The following SPICE1 variants were observed in gnomAD, a reference collection of about 807,000 sequenced individuals.
The protein encoded by SPICE1 is spindle and centriole associated protein 1.
Under a neutral mutation model 102.7 loss-of-function variants are expected in SPICE1, and 75 were observed. The ratio of observed to expected loss-of-function variants is 0.73; its 90% confidence interval spans 0.61 to 0.88. The LOEUF is 0.88. SPICE1 is among the 40% of genes least tolerant of loss of function. SPICE1 has a pLI of 0.00. For synonymous variants in SPICE1, 308 were observed against 350.3 expected (o/e 0.88, Z 1.35); for missense variants, 979 against 1,020.1 (o/e 0.96, Z 0.55).
chr3:113,512,537 T>C (rs865927672), intron 1 of SPICE1, among the ~76,000 whole-genome samples: 1 of 150,194 alleles, frequency 6.7e-6, no homozygotes, highest in Non-Finnish European at 1.5e-5. Flanking sequence ...GCCTCCTGAA[T>C]AGCTGGGATT....
chr3:113,511,311 A>T (rs1336970039), intron 1 of SPICE1, among the ~76,000 whole-genome samples: 3 of 152,204 alleles, frequency 2.0e-5, no homozygotes, highest in Non-Finnish European at 4.4e-5. Flanking sequence ...ACACACACAT[A>T]TATGTTCACT....
Position 113,494,051 on chromosome 3 carries a change from G to T in SPICE1, c.383C>A (p.Thr128Lys). ...AAKELFPRRRTGFPNVTVAPD... is the reference protein window; with the variant it reads ...AAKELFPRRRKGFPNVTVAPD... The stretch of plus-strand genomic sequence containing the variant: ...AAGCTTTTGTTTGAATTGAATACCT[G>T]TGCGCCTACGAGGAAACAGCTCTTT... The change falls in exon 5 of 18, where the codon ACA becomes AAA. Residue 128 changes from threonine (T) to lysine (K), a missense_variant and splice_region_variant. Thr to Lys is a moderately conservative substitution (Grantham distance 78). Transcript: ENST00000295872. 1.2e-6 allele frequency: 2 copies of T among 1,605,298 alleles called. No individual in the cohort carries two copies.
At chr3:113,513,855 C>T (rs1437313245) in intron 1 of SPICE1, among the ~76,000 whole-genome samples, 1 of 152,164 alleles carries the variant, frequency 6.6e-6, no homozygotes, top group Non-Finnish European at 1.5e-5. Flanking sequence ...AAGCGAGGCA[C>T]CAGATATAAC....
Position 113,453,966 on chromosome 3 carries a change from T to C in SPICE1, c.1658-16A>G. 2 of 1,563,332 alleles carry C rather than the reference T, an allele frequency of 1.3e-6. No homozygotes were observed. The highest frequency in any genetic ancestry group is 1.7e-6 in the Non-Finnish European group (2 of 1,156,446). On this transcript the variant is annotated splice_polypyrimidine_tract_variant and intron_variant, in intron 13 of 17. Coordinates refer to ENST00000295872, the MANE Select transcript of SPICE1 (RefSeq NM_144718.4). ...CTTCTCAATACTATAGATAAGAATT[T>C]AAAAATAACAAATATGTATTATTTT...
At position 113,503,211 on chromosome 3, in the gene SPICE1, AGAT is replaced by A. The variant is rs1167325225; in HGVS notation, c.113_115del (p.Asp38_Leu39delinsVal). ...TTCGGGAGTTGCCCGATGAACGGTT[AGAT>A]CAGTCACGGTATTCTGTAAAAAAAG... On this transcript the variant is annotated inframe_deletion, in exon 3 of 18. Transcript: ENST00000295872. 1 of 1,601,432 alleles carries A rather than the reference AGAT, an allele frequency of 6.2e-7. No individual in the cohort carries two copies. The highest frequency in any genetic ancestry group is 1.7e-5 in the Admixed American group (1 of 57,906).
chr3:113,494,572 G>A (rs1047692107), intron 4 of SPICE1, among the ~76,000 whole-genome samples: 10 of 151,576 alleles, frequency 6.6e-5, no homozygotes, highest in Non-Finnish European at 1.3e-4. Context: ...GCGTGAACCC[G>A]GGAGGCGGAG....
Position 113,460,638 on chromosome 3 carries a change from T to C in SPICE1, c.1414A>G (p.Arg472Gly), listed in dbSNP as rs7614751. Residue 472 changes from arginine to glycine, a missense_variant, in exon 12 of 18, where the codon AGA becomes GGA. Physicochemically the swap from Arg to Gly is moderately radical, Grantham distance 125. Transcript: ENST00000295872. ...IQASESGATGRRVMDSPERPV... is the reference protein window; with the variant it reads ...IQASESGATGGRVMDSPERPV... Reference sequence around the variant, plus strand: ...TCACCTGGACTGTCCATAACTCTTCTACCTGTGGCTCCGCTTTCTGATGCC... The same window carrying C: ...TCACCTGGACTGTCCATAACTCTTCCACCTGTGGCTCCGCTTTCTGATGCC... 8,048 of 1,613,232 alleles carry C rather than the reference T, an allele frequency of 5.0e-3. 77 individuals are homozygous for C. The highest frequency in any genetic ancestry group is 0.036 in the African/African-American group (2,691 of 75,038).
In SPICE1 at chr3:113,443,795, G is replaced by A. The variant is rs1364709848; in HGVS notation, c.*1512C>T. On this transcript the variant is annotated 3_prime_UTR_variant, in exon 18 of 18. Coordinates refer to ENST00000295872, the MANE Select transcript of SPICE1 (RefSeq NM_144718.4). ...ACCTCAGTTTCCTCATCTGCAAAAT[G>A]AGGATAATAGTACCTATCCCATAAG... is the stretch of plus-strand genomic sequence containing the variant. 1.3e-5 allele frequency: 2 copies of A among 152,196 alleles called. No homozygotes were observed. The highest frequency in any genetic ancestry group is 2.4e-5 in the African/African-American group (1 of 41,446). The allele number at this position is 152,196 out of a possible 1,614,324, so 9.4% of individuals were successfully genotyped here.
intron 4 of SPICE1, among the ~76,000 whole-genome samples, chr3:113,498,494 T>C (rs6438159): frequency 0.21 from 31,714 of 152,108 alleles, 3,576 homozygotes; most frequent in African/African-American, 0.29. Context: ...CCCCATAACA[T>C]TTAAATGTAT....
intron 14 of SPICE1, 64 bp downstream of exon 14, chr3:113,453,402 G>T: frequency 6.6e-7 from 1 of 1,517,094 alleles, no homozygotes; most frequent in Non-Finnish European, 8.8e-7. Flanking sequence ...TTCTTAAGTT[G>T]CCCAAGCTAA....
intron 1 of SPICE1, among the ~76,000 whole-genome samples, chr3:113,510,258 T>C (rs1937192572): frequency 6.6e-6 from 1 of 152,148 alleles, no homozygotes; most frequent in South Asian, 2.1e-4. Flanking sequence ...CTTCACAGAA[T>C]TAGAAAAAAC....
intron 7 of SPICE1, among the ~76,000 whole-genome samples, chr3:113,482,072 TCTG>T (rs1559968559): frequency 2.0e-5 from 3 of 152,154 alleles, no homozygotes; most frequent in Non-Finnish European, 4.4e-5. Flanking sequence ...CTTTCTAGCA[TCTG>T]TTATTTCCTG....
At chr3:113,476,419 A>C (rs1936348623) in intron 7 of SPICE1, among the ~76,000 whole-genome samples, 1 of 150,810 alleles carries the variant, frequency 6.6e-6, no homozygotes, top group Non-Finnish European at 1.5e-5. Context: ...TTCTTCACAG[A>C]ATTGGAAAAA....
intron 14 of SPICE1, among the ~76,000 whole-genome samples, chr3:113,452,481 C>T (rs1400783470): frequency 6.7e-6 from 1 of 149,850 alleles, no homozygotes; most frequent in Non-Finnish European, 1.5e-5. Flanking sequence ...GTCAGGAGTT[C>T]GAGACCAGCC....
intron 7 of SPICE1, among the ~76,000 whole-genome samples, chr3:113,476,631 C>T (rs1172044170): frequency 1.3e-5 from 2 of 149,038 alleles, no homozygotes; most frequent in African/African-American, 5.0e-5. Flanking sequence ...AATAACGCCG[C>T]ATATCTACAA....
intron 13 of SPICE1, among the ~76,000 whole-genome samples, 163 bp from the exon 14 acceptor site, chr3:113,454,113 C>T (rs1935725656): frequency 1.3e-5 from 2 of 152,130 alleles, no homozygotes; most frequent in Admixed American, 6.5e-5. Context: ...ACCAGCAATG[C>T]CGCCCCTCGT....
At chr3:113,446,437 TCC>T (rs1935514825) in intron 17 of SPICE1, 150 bp downstream of exon 17, 3 of 668,588 alleles carry the variant, frequency 4.5e-6, no homozygotes, top group Non-Finnish European at 7.7e-6. Flanking sequence ...GGCTTGTTTT[TCC>T]TAAAAAGGTA....
intron 6 of SPICE1, among the ~76,000 whole-genome samples, chr3:113,489,374 A>G (rs990723985): frequency 1.3e-5 from 2 of 152,148 alleles, no homozygotes; most frequent in African/African-American, 2.4e-5. Flanking sequence ...AAACTTCTTG[A>G]AAGAGTTGTT....
chr3:113,482,678 ATTGT>A (rs1559968815), intron 7 of SPICE1, among the ~76,000 whole-genome samples: 1 of 151,664 alleles, frequency 6.6e-6, no homozygotes, highest in East Asian at 1.9e-4. Flanking sequence ...TCCTTTCCCT[ATTGT>A]TTGTCTTGGG....
Sources: allele counts gnomAD v4.1 joint callset (sites outside exome capture counted in the v4.1 genomes callset), GRCh38; gene constraint gnomAD v4.1.1; transcripts MANE v1.5; gene names NCBI Gene and HGNC (gene_info 2026-07-23, HGNC 2026-07-21).